Variants in FHAD1 observed in about 807,000 individuals in gnomAD.
FHAD1 encodes forkhead associated phosphopeptide binding domain 1.
In FHAD1, 146 loss-of-function variants were observed where a neutral mutation model predicts 191.3. The observed-to-expected ratio is 0.76, with a 90% CI of 0.67 to 0.88. The LOEUF is 0.88. Among genes scored for constraint, FHAD1 ranks in the 40% least tolerant of loss-of-function variants. The probability of loss-of-function intolerance (pLI) is 0.00; values close to 1 mark genes in which losing one functional copy is unlikely to be tolerated. For synonymous variants in FHAD1, 616 were observed against 672.3 expected (o/e 0.92, Z 1.29); for missense variants, 1,635 against 1,785.8 (o/e 0.92, Z 1.52).
chr1:15,365,715 G>T, intron 23 of FHAD1, 112 bp from the exon 24 acceptor site: 6 of 640,144 alleles, frequency 9.4e-6, no homozygotes, highest in Non-Finnish European at 1.4e-5. Context: ...GACTGGCGTT[G>T]CATGGACCGT....
intron 6 of FHAD1, among the ~76,000 whole-genome samples, chr1:15,307,187 AC>A (rs1670767670): frequency 6.6e-6 from 1 of 152,104 alleles, no homozygotes. Context: ...TGGATTTCAG[AC>A]TTTCATGGGC....
chr1:15,371,843 C>A (rs1228268804), intron 26 of FHAD1, among the ~76,000 whole-genome samples: 1 of 152,230 alleles, frequency 6.6e-6, no homozygotes, highest in Admixed American at 6.5e-5. Context: ...GGTGGGCTGC[C>A]TCCCTCTCAC....
rs1055272950 is a variant in FHAD1, at chr1:15,318,216, A to G, written c.1365+288A>G. Among the ~76,000 whole-genome samples the G allele has an allele frequency of 2.6e-5, 4 of 152,136 alleles. No homozygotes were observed. Among genetic ancestry groups the G allele is most frequent in the African/African-American group, 7.2e-5 (3 of 41,428 alleles). ...AATGAGACCCACCTCTGGCCTCCCA[A>G]TCCCAGTTTTGAGTTTCGTGTTGCT... On this transcript the variant is annotated intron_variant, in intron 10 of 33. Coordinates refer to ENST00000688493, the MANE Select transcript of FHAD1 (RefSeq NM_001391957.1). The surrounding 1 kb of genome is among the most constrained non-coding windows in gnomAD (Gnocchi z 4.1).
rs1310320109 is a variant in FHAD1, at chr1:15,297,722, G to A, written c.678+929G>A. On this transcript the variant is annotated intron_variant, in intron 5 of 33. Coordinates refer to ENST00000688493, the MANE Select transcript of FHAD1 (RefSeq NM_001391957.1). ...CTCATGCAACTGCAGTCAGCCGGTG[G>A]CGTGGCAGGGGCTGATGGTCTCAGA... is the stretch of plus-strand genomic sequence containing the variant. Among the ~76,000 whole-genome samples, 3 of 152,300 alleles carry A rather than the reference G, an allele frequency of 2.0e-5. No homozygotes were observed. In the East Asian group the frequency reaches 5.8e-4, roughly 29 times the overall value.
At chr1:15,360,067 A>T (rs1322178878) in intron 21 of FHAD1, among the ~76,000 whole-genome samples, 2 of 152,166 alleles carry the variant, frequency 1.3e-5, no homozygotes, top group Non-Finnish European at 2.9e-5. Flanking sequence ...GAGCCAAGAT[A>T]GTGCCACTGC....
intron 2 of FHAD1, among the ~76,000 whole-genome samples, chr1:15,271,062 C>A (rs1201340228): frequency 6.8e-6 from 1 of 146,576 alleles, no homozygotes; most frequent in Non-Finnish European, 1.5e-5. Context: ...TGGCGTGAAC[C>A]CGGGAGGCAG....
intron 33 of FHAD1, among the ~76,000 whole-genome samples, chr1:15,392,837 A>T (rs928496912): frequency 6.6e-6 from 1 of 151,994 alleles, no homozygotes; most frequent in African/African-American, 2.4e-5. Flanking sequence ...CGTGGGCTAT[A>T]TGCTATAAAG....
Position 15,317,835 on chromosome 1 carries a change from C to T in FHAD1, c.1272C>T (p.Asp424=). The T allele has an allele frequency of 6.4e-7, 1 of 1,551,456 alleles. No homozygotes were observed. Among genetic ancestry groups the T allele is most frequent in the South Asian group, 1.2e-5 (1 of 84,052 alleles). The part of the protein sequence containing the change: ...ELKLCKTQIQ[D]MEKEMKKLRA... ...TGAAACTTTTTCAGCAAATCCAAGACATGGAGAAAGAAATGAAGAAGCTTA... is the reference window on the plus strand; with the variant it reads ...TGAAACTTTTTCAGCAAATCCAAGATATGGAGAAAGAAATGAAGAAGCTTA... Residue 424 remains aspartate (D), a synonymous_variant, in exon 10 of 34, where the codon GAC becomes GAT. Coordinates refer to ENST00000688493, the MANE Select transcript of FHAD1 (RefSeq NM_001391957.1).
intron 25 of FHAD1, among the ~76,000 whole-genome samples, chr1:15,368,833 G>A (rs1044189164): frequency 1.3e-5 from 2 of 152,204 alleles, no homozygotes; most frequent in African/African-American, 4.8e-5. Flanking sequence ...AGCTATCTGG[G>A]AGGCTGAGGC....
At chr1:15,310,818 G>A (rs1187508689) in intron 7 of FHAD1, among the ~76,000 whole-genome samples, 1 of 152,120 alleles carries the variant, frequency 6.6e-6, no homozygotes, top group Non-Finnish European at 1.5e-5. Flanking sequence ...AGCCCATCAT[G>A]GGTCAGTAGG....
At chr1:15,363,878 C>A (rs146382663) in intron 23 of FHAD1, 13 of 444,914 alleles carry the variant, frequency 2.9e-5, no homozygotes, top group African/African-American at 1.2e-4. Context: ...GAAGCTCCCC[C>A]AAGAGGAGAA....
chr1:15,343,482 A>C (rs1687625269), intron 16 of FHAD1, among the ~76,000 whole-genome samples: 1 of 150,718 alleles, frequency 6.6e-6, no homozygotes, highest in Non-Finnish European at 1.5e-5. Flanking sequence ...CTTCTCTACC[A>C]CACACACCTG....
intron 3 of FHAD1, among the ~76,000 whole-genome samples, chr1:15,283,280 G>A (rs886527780): frequency 1.3e-5 from 2 of 152,092 alleles, no homozygotes; most frequent in African/African-American, 4.8e-5. Flanking sequence ...TGTTTTAGCT[G>A]GTCCTCAATT....
At chr1:15,257,816 T>C (rs1648989910) in intron 2 of FHAD1, among the ~76,000 whole-genome samples, 1 of 152,220 alleles carries the variant, frequency 6.6e-6, no homozygotes, top group Non-Finnish European at 1.5e-5. Context: ...TTCAGTTCAG[T>C]GGCATTAACT....
At chr1:15,286,031 C>T (rs1483229969) in intron 3 of FHAD1, among the ~76,000 whole-genome samples, 1 of 152,150 alleles carries the variant, frequency 6.6e-6, no homozygotes, top group African/African-American at 2.4e-5. Flanking sequence ...ATGGTGGTTA[C>T]CAGCGGCTCT....
chr1:15,361,909 CAGG>C (rs1035488592), intron 22 of FHAD1, among the ~76,000 whole-genome samples: 50 of 151,820 alleles, frequency 3.3e-4, no homozygotes, highest in African/African-American at 1.1e-3. Context: ...GAGGCTGAGA[CAGG>C]AGAATCGCTT....
chr1:15,356,332 C>T (rs1460813816), intron 20 of FHAD1, among the ~76,000 whole-genome samples: 1 of 152,204 alleles, frequency 6.6e-6, no homozygotes, highest in Non-Finnish European at 1.5e-5. Flanking sequence ...GTGTCTTCCA[C>T]ACAAGGTCAG....
intron 3 of FHAD1, among the ~76,000 whole-genome samples, chr1:15,274,305 T>C (rs556485433): frequency 6.6e-6 from 1 of 152,294 alleles, no homozygotes; most frequent in East Asian, 1.9e-4. Context: ...CAAAAGAATG[T>C]ATTATAAAAG....
intron 31 of FHAD1, 131 bp downstream of exon 31, chr1:15,382,324 A>T: frequency 1.1e-6 from 1 of 899,076 alleles, no homozygotes. Context: ...AGGCAACTGG[A>T]TAGCTTTTGC....
Sources: allele counts gnomAD v4.1 joint callset (sites outside exome capture counted in the v4.1 genomes callset), GRCh38; gene constraint gnomAD v4.1.1; non-coding constraint Gnocchi (gnomAD v3.1); transcripts MANE v1.5; gene names NCBI Gene and HGNC (gene_info 2026-07-23, HGNC 2026-07-21).